The following PTPN14 variants were observed in gnomAD, a reference collection of about 807,000 sequenced individuals.
The protein encoded by PTPN14 is protein tyrosine phosphatase non-receptor type 14, also known as tyrosine-protein phosphatase non-receptor type 14.
Under a neutral mutation model 126.8 loss-of-function variants are expected in PTPN14, and 53 were observed. That is an observed-to-expected ratio of 0.42 (90% CI 0.34 to 0.53). PTPN14 has a LOEUF of 0.53. Among genes scored for constraint, PTPN14 ranks in the 20% least tolerant of loss-of-function variants. The pLI, the probability that PTPN14 is intolerant of heterozygous loss-of-function variation, is 0.08. For missense variants in PTPN14, 1,257 were observed against 1,552.9 expected, an observed-to-expected ratio of 0.81 and a Z score of 3.20; for synonymous variants, 630 against 599.3, an observed-to-expected ratio of 1.05 and a Z score of -0.75.
intron 1 of PTPN14, among the ~76,000 whole-genome samples, chr1:214,468,945 T>C (rs1660697654): frequency 6.6e-6 from 1 of 152,192 alleles, no homozygotes; most frequent in South Asian, 2.1e-4. Context: ...ACTTTGACAC[T>C]AAACTTCCTC....
rs762812924 is a variant in PTPN14 at position 214,384,062 on chromosome 1, A to C, written c.1793T>G (p.Val598Gly). 6 of 1,579,262 alleles carry C rather than the reference A, an allele frequency of 3.8e-6. No homozygotes were observed. In the Admixed American group the frequency reaches 1.0e-4, roughly 27 times the overall value. The change falls in exon 13 of 19, where the codon GTG becomes GGG. Residue 598 changes from valine to glycine, a missense_variant. Physicochemically the swap from Val to Gly is moderately radical, Grantham distance 109. Transcript: ENST00000366956. The surrounding 1 kb of genome is among the most constrained non-coding windows in gnomAD (Gnocchi z 5.3). ...CACCGAGAGCTGCACCTTCCGGGTCACCAGGTCCGGGCTGCTGCCGCTGAC... is the reference window on the plus strand; with the variant it reads ...CACCGAGAGCTGCACCTTCCGGGTCCCCAGGTCCGGGCTGCTGCCGCTGAC... ...KYVSGSSPDL[V>G]TRKVQLSVKT...
At chr1:214,445,875 A>G (rs1337739108) in intron 3 of PTPN14, among the ~76,000 whole-genome samples, 2 of 152,210 alleles carry the variant, frequency 1.3e-5, no homozygotes, top group Non-Finnish European at 2.9e-5. Flanking sequence ...TGTGAAAACC[A>G]TGTGTTTATA....
At chr1:214,474,333 A>G (rs1418937853) in intron 1 of PTPN14, among the ~76,000 whole-genome samples, 1 of 152,198 alleles carries the variant, frequency 6.6e-6, no homozygotes, top group Admixed American at 6.5e-5. Context: ...CTCAGGAAAC[A>G]AAAGAACACC....
Position 214,384,717 on chromosome 1 carries a change from T to G in PTPN14, c.1138A>C (p.Asn380His), listed in dbSNP as rs773598210. 1 of 1,614,124 alleles carries G rather than the reference T, an allele frequency of 6.2e-7. No homozygotes were observed. The highest frequency in any genetic ancestry group is 8.5e-7 in the Non-Finnish European group (1 of 1,180,022). The change falls in exon 13 of 19, where the codon AAT (asparagine) becomes CAT (histidine). Residue 380 changes from asparagine to histidine, a missense_variant. Asn to His is a moderately conservative substitution (Grantham distance 68). Around this residue, in one of 3 missense-constraint regions of PTPN14, gnomAD observed 1,021 missense variants for 1,183.3 expected, o/e 0.86. Transcript: ENST00000366956. This position sits in a 1 kb window ranked among gnomAD's most constrained non-coding sequence, Gnocchi z 5.3. ...SHNSLDLNYLNGTVTNGSVCS... is the reference protein window; with the variant it reads ...SHNSLDLNYLHGTVTNGSVCS... Reference sequence around the variant, plus strand: ...ACGCTGCCATTGGTGACAGTGCCATTTAAATAATTTAAGTCCAGGCTGTTG... The same window carrying G: ...ACGCTGCCATTGGTGACAGTGCCATGTAAATAATTTAAGTCCAGGCTGTTG...
At chr1:214,394,259 T>C (rs1011888628) in intron 9 of PTPN14, among the ~76,000 whole-genome samples, 4 of 152,004 alleles carry the variant, frequency 2.6e-5, no homozygotes, top group Admixed American at 1.3e-4. Flanking sequence ...TGGAATGCAA[T>C]AGAATCAGGG....
At chr1:214,448,239 T>C (rs1285029191) in intron 3 of PTPN14, among the ~76,000 whole-genome samples, 1 of 152,118 alleles carries the variant, frequency 6.6e-6, no homozygotes. Context: ...CTATTCATTT[T>C]CTCTTTTTTG....
At chr1:214,421,393 GGAA>G (rs1659540698) in intron 3 of PTPN14, among the ~76,000 whole-genome samples, 1 of 152,148 alleles carries the variant, frequency 6.6e-6, no homozygotes, top group African/African-American at 2.4e-5. Context: ...AGAGGTTGAG[GGAA>G]GAAGAGGCTG....
chr1:214,487,551 T>G (rs1448717124), intron 1 of PTPN14, among the ~76,000 whole-genome samples: 1 of 150,756 alleles, frequency 6.6e-6, no homozygotes, highest in East Asian at 2.0e-4. Context: ...ACTTGAACCC[T>G]TGAACCCAGG....
chr1:214,436,508 CAGTT>C (rs1207453670), intron 3 of PTPN14, among the ~76,000 whole-genome samples: 1 of 152,082 alleles, frequency 6.6e-6, no homozygotes, highest in Non-Finnish European at 1.5e-5. Context: ...TGGTTAAAGA[CAGTT>C]AGGGCTGGGT....
At chr1:214,498,154 G>C (rs186609797) in intron 1 of PTPN14, among the ~76,000 whole-genome samples, 1 of 152,244 alleles carries the variant, frequency 6.6e-6, no homozygotes, top group Non-Finnish European at 1.5e-5. Flanking sequence ...TAAGAAAACA[G>C]TATCTACTGA....
At chr1:214,414,222 T>A (rs1659374989) in intron 4 of PTPN14, among the ~76,000 whole-genome samples, 1 of 152,232 alleles carries the variant, frequency 6.6e-6, no homozygotes, top group Non-Finnish European at 1.5e-5. Context: ...TAGAATGCAT[T>A]ATACTATAAT....
intron 3 of PTPN14, among the ~76,000 whole-genome samples, chr1:214,418,756 T>C (rs1558093770): frequency 1.3e-5 from 2 of 152,252 alleles, no homozygotes; most frequent in Non-Finnish European, 2.9e-5. Context: ...ATGTTTCATA[T>C]TGTGGCCAAT....
At chr1:214,458,106 G>A (rs56874753) in intron 2 of PTPN14, among the ~76,000 whole-genome samples, 2,466 of 152,224 alleles carry the variant, frequency 0.016, 66 homozygotes, top group African/African-American at 0.056. Flanking sequence ...CTGGAGTGCA[G>A]TAGTATGTTA....
chr1:214,440,329 CT>C (rs1660010614), intron 3 of PTPN14, among the ~76,000 whole-genome samples: 3 of 152,160 alleles, frequency 2.0e-5, no homozygotes. Flanking sequence ...GCAAAGGGCT[CT>C]TTCTCAAATA....
In PTPN14 at chr1:214,354,705, C is replaced by T. The variant is rs1327030758; in HGVS notation, c.*3217G>A. 1 of 152,214 alleles carries T rather than the reference C, an allele frequency of 6.6e-6. No individual in the cohort carries two copies. The highest frequency in any genetic ancestry group is 1.9e-4 in the East Asian group (1 of 5,194). 9.4% of individuals were successfully genotyped at this position (152,214 alleles called of 1,614,324 possible). A position where few individuals can be genotyped will look rare whatever the true frequency, so the allele number is the denominator to read the frequency against. Reference sequence around the variant, plus strand: ...GGATGAAAGAAACCAAACAGTTCAACTGGAAAACCTCGAAAACAGCGGCTG... The same window carrying T: ...GGATGAAAGAAACCAAACAGTTCAATTGGAAAACCTCGAAAACAGCGGCTG... On this transcript the variant is annotated 3_prime_UTR_variant, in exon 19 of 19. Transcript: ENST00000366956.
At chr1:214,367,250 G>T (rs1405137220) in intron 17 of PTPN14, among the ~76,000 whole-genome samples, 1 of 152,132 alleles carries the variant, frequency 6.6e-6, no homozygotes, top group African/African-American at 2.4e-5. Context: ...AAAGGTCACT[G>T]CCCTTATTTC....
At chr1:214,409,726 A>G (rs554034911) in intron 5 of PTPN14, among the ~76,000 whole-genome samples, 1 of 151,196 alleles carries the variant, frequency 6.6e-6, no homozygotes, top group Non-Finnish European at 1.5e-5. Context: ...CTCATGCTCA[A>G]TACTCCTCAT....
At chr1:214,467,579 A>ACG (rs1660669523) in intron 1 of PTPN14, among the ~76,000 whole-genome samples, 1 of 151,788 alleles carries the variant, frequency 6.6e-6, no homozygotes, top group South Asian at 2.1e-4. Context: ...ACAAAAACAC[A>ACG]AAGAGGAAAG....
intron 1 of PTPN14, among the ~76,000 whole-genome samples, chr1:214,494,930 C>CT (rs151178086): frequency 0.014 from 2,175 of 152,314 alleles, 50 homozygotes; most frequent in African/African-American, 0.05. Flanking sequence ...TGGAATTCTT[C>CT]TTGCTTGACT....
Sources: allele counts gnomAD v4.1 joint callset (sites outside exome capture counted in the v4.1 genomes callset), GRCh38; gene constraint gnomAD v4.1.1; regional missense constraint gnomAD v4.1.1; non-coding constraint Gnocchi (gnomAD v3.1); transcripts MANE v1.5; gene names NCBI Gene and HGNC (gene_info 2026-07-23, HGNC 2026-07-21).